The following CCDC25 variants were observed in gnomAD, a reference collection of about 807,000 sequenced individuals.
CCDC25 encodes coiled-coil domain-containing protein 25.
CCDC25 carries 16 observed loss-of-function variants against 35.3 expected under a neutral mutation model. The ratio of observed to expected loss-of-function variants is 0.45; its 90% confidence interval spans 0.31 to 0.69. The LOEUF (loss-of-function observed/expected upper bound fraction) is 0.69, where lower values mean the gene tolerates loss of function less well. Ranked by LOEUF, CCDC25 falls within the 30% of genes least tolerant of loss-of-function variation. The pLI, the probability that CCDC25 is intolerant of heterozygous loss-of-function variation, is 0.06. For synonymous variants in CCDC25, 79 were observed against 80.3 expected, an observed-to-expected ratio of 0.98 and a Z score of 0.09; for missense variants, 179 against 250.7, an observed-to-expected ratio of 0.71 and a Z score of 1.93.
intron 1 of CCDC25, among the ~76,000 whole-genome samples, chr8:27,768,281 T>C (rs1804469309): frequency 6.6e-6 from 1 of 151,706 alleles, no homozygotes; most frequent in Non-Finnish European, 1.5e-5. Context: ...AATAGAAAAT[T>C]AGTCTGGGCG....
intron 5 of CCDC25, among the ~76,000 whole-genome samples, chr8:27,749,027 G>A (rs920892092): frequency 2.0e-5 from 3 of 152,168 alleles, no homozygotes; most frequent in Non-Finnish European, 4.4e-5. Flanking sequence ...CGAGCTAGCC[G>A]AGCCTCTCTG....
intron 7 of CCDC25, among the ~76,000 whole-genome samples, chr8:27,745,923 G>T (rs1803587412): frequency 6.6e-6 from 1 of 152,136 alleles, no homozygotes; most frequent in South Asian, 2.1e-4. Context: ...AACTTTTGAA[G>T]GAAAAATCTT....
intron 2 of CCDC25, chr8:27,764,399 G>C: frequency 3.3e-6 from 1 of 306,208 alleles, no homozygotes; most frequent in South Asian, 2.5e-5. Context: ...CTCCAGAGTA[G>C]CAAGGACAAC....
intron 1 of CCDC25, among the ~76,000 whole-genome samples, chr8:27,768,334 G>T (rs1804471422): frequency 6.6e-6 from 1 of 152,154 alleles, no homozygotes; most frequent in African/African-American, 2.4e-5. Flanking sequence ...GGAGGCTGAA[G>T]CGGGAGGATC....
Position 27,733,741 on chromosome 8 carries a change from C to A in CCDC25, c.*2475G>T, listed in dbSNP as rs368695319. 4.6e-5 allele frequency: 7 copies of A among 152,148 alleles called. No individual in the cohort carries two copies. Among genetic ancestry groups the A allele is most frequent in the Non-Finnish European group, 1.5e-5 (1 of 68,030 alleles). 9.4% of individuals were successfully genotyped at this position (152,148 alleles called of 1,614,324 possible). A position where few individuals can be genotyped will look rare whatever the true frequency, so the allele number is the denominator to read the frequency against. ...TGTACCTCAAATCAAAGAAAAAGCA[C>A]GCGTCAATATCACGCGTAGGAAAAA... is the stretch of plus-strand genomic sequence containing the variant. On this transcript the variant is annotated 3_prime_UTR_variant, in exon 9 of 9. Coordinates refer to ENST00000356537, the MANE Select transcript of CCDC25 (RefSeq NM_018246.3).
At position 27,733,864 on chromosome 8, in the gene CCDC25, C is replaced by A. The variant is rs1803121804; in HGVS notation, c.*2352G>T. On this transcript the variant is annotated 3_prime_UTR_variant, in exon 9 of 9. Transcript: ENST00000356537. ...AAGAGCTTCCCCTCTCAGACAGATG[C>A]AGCAGCGGGAGGAAGGGCTTTGGTC... 2 of 152,170 alleles carry A rather than the reference C, an allele frequency of 1.3e-5. No individual in the cohort carries two copies. Among genetic ancestry groups the A allele is most frequent in the South Asian group, 4.1e-4 (2 of 4,822 alleles). 9.4% of individuals were successfully genotyped at this position (152,170 alleles called of 1,614,324 possible).
rs149418384 is a variant in CCDC25 at position 27,743,447 on chromosome 8, C to T, written c.552-2930G>A. On this transcript the variant is annotated intron_variant, in intron 7 of 8. Transcript: ENST00000356537. ...ATGGACTGGCCCCTTGATCCAAGTG[C>T]CCATTGACCTCTGCTGCTTCAGACA... Among the ~76,000 whole-genome samples, 19 of 152,328 alleles carry T rather than the reference C, an allele frequency of 1.2e-4. No homozygotes were observed. In the East Asian group the frequency reaches 3.7e-3, roughly 29 times the overall value.
chr8:27,763,865 A>G (rs1804310732), intron 2 of CCDC25, among the ~76,000 whole-genome samples: 1 of 152,202 alleles, frequency 6.6e-6, no homozygotes, highest in Non-Finnish European at 1.5e-5. Flanking sequence ...GGGTAAAGGC[A>G]CTCATAACAG....
At position 27,748,210 on chromosome 8, in the gene CCDC25, G is replaced by A. The variant is rs374219944; in HGVS notation, c.418C>T (p.Arg140Trp). The change falls in exon 7 of 9, where the codon CGG becomes TGG. Residue 140 changes from arginine (R) to tryptophan (W), a missense_variant. Arg to Trp is a moderately radical substitution (Grantham distance 101, BLOSUM62 -3). Transcript: ENST00000356537. The part of the protein sequence containing the change: ...LNRLEKTKVE[R>W]FPDLAAEKEC... ...TTCTCTGCTGCTAGGTCTGGGAACC[G>A]CTCGACTTTGGTCTTTTCTAATCGG... The A allele has an allele frequency of 2.3e-5, 37 of 1,613,632 alleles. No individual in the cohort carries two copies. Among genetic ancestry groups the A allele is most frequent in the Non-Finnish European group, 3.0e-5 (35 of 1,179,844 alleles).
At chr8:27,756,915 C>T (rs1184601479) in intron 3 of CCDC25, 145 bp from the exon 4 acceptor site, 2 of 631,272 alleles carry the variant, frequency 3.2e-6, no homozygotes, top group Admixed American at 5.2e-5. Flanking sequence ...AAAGCACAGT[C>T]ACCACCTCCA....
At chr8:27,771,737 G>C (rs554613710) in intron 1 of CCDC25, among the ~76,000 whole-genome samples, 4 of 152,314 alleles carry the variant, frequency 2.6e-5, no homozygotes, top group African/African-American at 9.6e-5. Context: ...TGGGTCCCAG[G>C]AAAGGAATAG....
chr8:27,764,397 T>C, intron 2 of CCDC25: 1 of 300,304 alleles, frequency 3.3e-6, no homozygotes, highest in South Asian at 2.6e-5. Flanking sequence ...GCCTCCAGAG[T>C]AGCAAGGACA....
rs139690833 is a variant in CCDC25 at position 27,748,823 on chromosome 8, T to C, written c.245-225A>G. On this transcript the variant is annotated intron_variant, in intron 5 of 8. Coordinates refer to ENST00000356537, the MANE Select transcript of CCDC25 (RefSeq NM_018246.3). ...TATTACTATGGCAAGTAGGAGTCCA[T>C]GGATTAGCTTCAGGGACTTCTGAGG... is the stretch of plus-strand genomic sequence containing the variant. Among the ~76,000 whole-genome samples the C allele has an allele frequency of 2.1e-3, 317 of 152,280 alleles. 2 individuals are homozygous for C. The highest frequency in any genetic ancestry group is 0.016 in the South Asian group (79 of 4,824).
At chr8:27,743,389 G>C (rs1033270996) in intron 7 of CCDC25, among the ~76,000 whole-genome samples, 1 of 152,190 alleles carries the variant, frequency 6.6e-6, no homozygotes. Context: ...AGTGCTCTTA[G>C]GATGAAGACA....
intron 3 of CCDC25, among the ~76,000 whole-genome samples, chr8:27,759,608 CAAAAAA>C (rs146836795): frequency 0.069 from 6,100 of 88,494 alleles, 296 homozygotes; most frequent in African/African-American, 0.18. Context: ...GACTCTGTCT[CAAAAAA>C]AAAAAAAAAA....
intron 1 of CCDC25, among the ~76,000 whole-genome samples, chr8:27,767,113 C>T (rs1050943123): frequency 1.7e-4 from 26 of 152,286 alleles, no homozygotes; most frequent in African/African-American, 5.3e-4. Context: ...CACCTGTAAT[C>T]CCAGCACTTC....
At chr8:27,772,143 A>C (rs2128949544) in intron 1 of CCDC25, 2 of 346,912 alleles carry the variant, frequency 5.8e-6, no homozygotes, top group East Asian at 1.2e-4. Flanking sequence ...ACAAGGGTTC[A>C]GCCAGAACAA....
intron 6 of CCDC25, 77 bp from the exon 7 acceptor site, chr8:27,748,356 G>C: frequency 7.1e-7 from 1 of 1,415,622 alleles, no homozygotes; most frequent in Non-Finnish European, 9.9e-7. Context: ...GCTTTCCAGG[G>C]GTTTAGCAAC....
At chr8:27,736,395 C>T in intron 8 of CCDC25, 150 bp from the exon 9 acceptor site, 1 of 647,286 alleles carries the variant, frequency 1.5e-6, no homozygotes, top group Non-Finnish European at 2.7e-6. Context: ...ACTTCTCCGC[C>T]TTAAGTTGTC....
Sources: allele counts gnomAD v4.1 joint callset (sites outside exome capture counted in the v4.1 genomes callset), GRCh38; gene constraint gnomAD v4.1.1; transcripts MANE v1.5; gene names NCBI Gene and HGNC (gene_info 2026-07-23, HGNC 2026-07-21).